Variants in JAKMIP3 observed in about 807,000 individuals in gnomAD.
JAKMIP3 encodes janus kinase and microtubule-interacting protein 3.
JAKMIP3 carries 58 observed loss-of-function variants against 118.5 expected under a neutral mutation model. The ratio of observed to expected loss-of-function variants is 0.49; its 90% CI spans 0.40 to 0.61. The LOEUF (loss-of-function observed/expected upper bound fraction) is 0.61. JAKMIP3 is among the 20% of genes least tolerant of loss of function. The pLI, the probability that JAKMIP3 is intolerant of heterozygous loss-of-function variation, is 0.00. For missense variants in JAKMIP3, 950 were observed against 1,109.0 expected (o/e 0.86, Z 2.04); for synonymous variants, 486 against 451.2 (o/e 1.08, Z -0.98).
chr10:132,087,719 T>G (rs1013625556), intron 1 of JAKMIP3, among the ~76,000 whole-genome samples: 1 of 151,982 alleles, frequency 6.6e-6, no homozygotes, highest in Non-Finnish European at 1.5e-5. Context: ...GATTTTTTTT[T>G]TTTTATACTT....
rs10568086 is a variant in JAKMIP3, at chr10:132,078,619, CGGGG to C, written c.-138+12570_-138+12573del. ...TGAGCCCAGGGACCTTCTCTGGGGGCGGGGGGGGGGGGGGGTCCCGTTTCTGGCC... is the reference window on the plus strand; with the variant it reads ...TGAGCCCAGGGACCTTCTCTGGGGGCGGGGGGGGGGGTCCCGTTTCTGGCC... On this transcript the variant is annotated intron_variant, in intron 1 of 23. Transcript: ENST00000684848. Among the ~76,000 whole-genome samples, 444 of 134,008 alleles carry C rather than the reference CGGGG, an allele frequency of 3.3e-3. 5 individuals carry two copies. Among genetic ancestry groups the C allele is most frequent in the African/African-American group, 8.4e-3 (324 of 38,500 alleles). The allele number at this position is 134,008 out of a possible 152,430, so 87.9% of individuals were successfully genotyped here.
intron 3 of JAKMIP3, among the ~76,000 whole-genome samples, chr10:132,127,465 G>A (rs7908339): frequency 0.13 from 20,022 of 151,676 alleles, 2,067 homozygotes; most frequent in East Asian, 0.29. Flanking sequence ...ATGTTGGCCA[G>A]GCTGGTCTCG....
intron 16 of JAKMIP3, among the ~76,000 whole-genome samples, chr10:132,151,299 C>T (rs1412899753): frequency 3.9e-5 from 6 of 152,204 alleles, no homozygotes; most frequent in African/African-American, 1.4e-4. Flanking sequence ...TCCCCTCCCT[C>T]CATCCATCCA....
chr10:132,128,537 G>T (rs2050020946), intron 3 of JAKMIP3, among the ~76,000 whole-genome samples: 2 of 152,110 alleles, frequency 1.3e-5, no homozygotes, highest in African/African-American at 4.8e-5. Flanking sequence ...TAACATGTAT[G>T]TTAGACACTT....
intron 1 of JAKMIP3, among the ~76,000 whole-genome samples, chr10:132,092,182 C>G (rs1026974123): frequency 6.6e-6 from 1 of 152,142 alleles, no homozygotes; most frequent in Admixed American, 6.5e-5. Flanking sequence ...CGACCTTTCT[C>G]TCTGGCTGCC....
chr10:132,163,138 T>A, intron 19 of JAKMIP3, 71 bp from the exon 20 acceptor site: 5 of 1,430,116 alleles, frequency 3.5e-6, no homozygotes, highest in East Asian at 2.5e-5. Flanking sequence ...TGGCCCGGCC[T>A]CCGTTGCCCT....
chr10:132,104,556 C>T (rs1339004753), intron 1 of JAKMIP3, 116 bp from the exon 2 acceptor site: 1 of 521,292 alleles, frequency 1.9e-6, no homozygotes, highest in Non-Finnish European at 3.5e-6. Context: ...AGGTAGCATC[C>T]TCAGCACTGC....
chr10:132,091,911 G>C (rs901524436), intron 1 of JAKMIP3, among the ~76,000 whole-genome samples: 1 of 152,176 alleles, frequency 6.6e-6, no homozygotes, highest in Admixed American at 6.5e-5. Flanking sequence ...GGCTGGTACT[G>C]GTTGTTCCTT....
At chr10:132,036,405 G>A (rs1475140806), upstream of JAKMIP3, among the ~76,000 whole-genome samples, 2 of 152,208 alleles carry the variant, frequency 1.3e-5, no homozygotes, top group Admixed American at 6.5e-5. Flanking sequence ...GGCCTGAGCG[G>A]CGGGTGAGTC....
intron 2 of JAKMIP3, among the ~76,000 whole-genome samples, chr10:132,110,227 C>T (rs2046650499): frequency 6.6e-6 from 1 of 152,252 alleles, no homozygotes; most frequent in Non-Finnish European, 1.5e-5. Context: ...TCCAGCCGTG[C>T]TCTGGAAGCT....
intron 23 of JAKMIP3, among the ~76,000 whole-genome samples, chr10:132,176,670 A>G (rs1351169371): frequency 6.6e-6 from 1 of 152,084 alleles, no homozygotes; most frequent in Non-Finnish European, 1.5e-5. Flanking sequence ...ATCTTTGTTA[A>G]CGGGCATTTT....
chr10:132,116,926 G>A, intron 2 of JAKMIP3, 151 bp from the exon 3 acceptor site: 1 of 823,822 alleles, frequency 1.2e-6, no homozygotes, highest in Non-Finnish European at 1.9e-6. Context: ...TGCACATTCA[G>A]GTGTGAGTGT....
At chr10:132,046,746 A>C (rs1354712743) in intron 1 of JAKMIP3, among the ~76,000 whole-genome samples, 16 of 152,228 alleles carry the variant, frequency 1.1e-4, no homozygotes, top group Admixed American at 1.0e-3. Flanking sequence ...GGTTCTCCTA[A>C]GGTTTTCTCA....
At chr10:132,115,626 G>T (rs1382785866) in intron 2 of JAKMIP3, among the ~76,000 whole-genome samples, 1 of 152,238 alleles carries the variant, frequency 6.6e-6, no homozygotes, top group Non-Finnish European at 1.5e-5. Context: ...TCACGTAAAG[G>T]AAATAGTGCT....
At chr10:132,036,957 C>T (rs1269175531) in intron 1 of JAKMIP3, among the ~76,000 whole-genome samples, 1 of 151,732 alleles carries the variant, frequency 6.6e-6, no homozygotes. Flanking sequence ...CCACGGCACC[C>T]CCTGCCCTGC....
chr10:132,141,620 G>A (rs961997222), intron 10 of JAKMIP3, among the ~76,000 whole-genome samples: 4 of 152,234 alleles, frequency 2.6e-5, no homozygotes, highest in Non-Finnish European at 5.9e-5. Flanking sequence ...TGAGCCCCTG[G>A]CCATGGCCAC....
chr10:132,153,824 G>C lies in JAKMIP3; in HGVS notation c.2139G>C (p.Glu713Asp). ...LQRKMVDLES[E>D]KELFSKQKGY... is the part of the protein sequence containing the mutation. ...GGAAGATGGTGGATCTGGAGAGCGA[G>C]AAGGTTGGTGGCACCTTCACCGAGG... The change falls in exon 18 of 24, where the codon GAG becomes GAC. Residue 713 changes from glutamate (E) to aspartate (D), a missense_variant. Transcript: ENST00000684848. 6.2e-7 allele frequency: 1 copy of C among 1,613,156 alleles called. No homozygotes were observed. Among genetic ancestry groups the C allele is most frequent in the East Asian group, 2.2e-5 (1 of 44,878 alleles).
intron 19 of JAKMIP3, among the ~76,000 whole-genome samples, chr10:132,156,855 G>T (rs1306772176): frequency 6.6e-6 from 1 of 152,148 alleles, no homozygotes. Context: ...AGAAGGACAT[G>T]CATTTCTTTT....
Position 132,179,249 on chromosome 10 carries a change from T to TG in JAKMIP3, c.*1104-3107dup, listed in dbSNP as rs2060468996. Among the ~76,000 whole-genome samples, 1 of 152,228 alleles carries TG rather than the reference T, an allele frequency of 6.6e-6. No homozygotes were observed. The highest frequency in any genetic ancestry group is 2.1e-4 in the South Asian group (1 of 4,834). ...CAGCGTGAAGGGCAGGGGCCCTCAG[T>TG]GCTCATCCTCCCCCAGCATCATGCA... On this transcript the variant is annotated intron_variant, in intron 23 of 23. Transcript: ENST00000684848. This position sits in a 1 kb window ranked among gnomAD's most constrained non-coding sequence, Gnocchi z 4.3.
Sources: allele counts gnomAD v4.1 joint callset (sites outside exome capture counted in the v4.1 genomes callset), GRCh38; gene constraint gnomAD v4.1.1; non-coding constraint Gnocchi (gnomAD v3.1); transcripts MANE v1.5; gene names NCBI Gene and HGNC (gene_info 2026-07-23, HGNC 2026-07-21).